OSBPL8: variants seen among roughly 807,000 people sequenced by gnomAD.
OSBPL8 encodes the protein oxysterol-binding protein-related protein 8.
Under a neutral mutation model 125.5 loss-of-function variants are expected in OSBPL8, and 59 were observed. The observed-to-expected ratio is 0.47, with a 90% CI of 0.38 to 0.58. The LOEUF (loss-of-function observed/expected upper bound fraction) is 0.58. Among genes scored for constraint, OSBPL8 ranks in the 20% least tolerant of loss-of-function variants. The pLI, the probability that OSBPL8 is intolerant of heterozygous loss-of-function variation, is 0.00. For synonymous variants in OSBPL8, 330 were observed against 338.9 expected, an observed-to-expected ratio of 0.97 and a Z score of 0.29; for missense variants, 758 against 1,047.8, an observed-to-expected ratio of 0.72 and a Z score of 3.82.
At chr12:76,406,266 T>C (rs7960738) in intron 5 of OSBPL8, among the ~76,000 whole-genome samples, 10,533 of 152,316 alleles carry the variant, frequency 0.069, 497 homozygotes, top group Middle Eastern at 0.15. Context: ...AGGATAATGA[T>C]AAGTTACTGT....
intron 10 of OSBPL8, among the ~76,000 whole-genome samples, chr12:76,392,230 T>C (rs1953592364): frequency 6.6e-6 from 1 of 152,194 alleles, no homozygotes; most frequent in African/African-American, 2.4e-5. Context: ...TCACACATGA[T>C]GTAATATTTG....
At chr12:76,384,193 A>C in intron 15 of OSBPL8, 61 bp downstream of exon 15, 1 of 994,732 alleles carries the variant, frequency 1.0e-6, no homozygotes, top group East Asian at 2.6e-5. Context: ...TGCCTAAATA[A>C]AAGCTCACCA....
intron 8 of OSBPL8, among the ~76,000 whole-genome samples, chr12:76,395,287 T>C (rs1953744280): frequency 6.6e-6 from 1 of 152,152 alleles, no homozygotes; most frequent in African/African-American, 2.4e-5. Context: ...GGGTTGTTTG[T>C]TTTAGAAGTA....
Position 76,402,752 on chromosome 12 carries a change from A to C in OSBPL8, c.303T>G (p.Leu101=), listed in dbSNP as rs750612243. 6.2e-7 allele frequency: 1 copy of C among 1,601,398 alleles called. No individual in the cohort carries two copies. The highest frequency in any genetic ancestry group is 8.6e-7 in the Non-Finnish European group (1 of 1,169,508). The change falls in exon 6 of 24, where the codon CTT becomes CTG. Residue 101 remains leucine, a synonymous_variant. Coordinates refer to ENST00000261183, the MANE Select transcript of OSBPL8 (RefSeq NM_020841.5). Reference sequence around the variant, plus strand: ...AACTGTCCTTCTCTGAGCCATTATAAAGTTTAGATTCAGACTGAAATCATA... The same window carrying C: ...AACTGTCCTTCTCTGAGCCATTATACAGTTTAGATTCAGACTGAAATCATA... ...SMSKSKSESK[L]YNGSEKDSST...
intron 8 of OSBPL8, among the ~76,000 whole-genome samples, chr12:76,396,947 T>C (rs1320190529): frequency 6.6e-6 from 1 of 151,828 alleles, no homozygotes; most frequent in Non-Finnish European, 1.5e-5. Flanking sequence ...CCTGAATAGC[T>C]GGGACTACAG....
chr12:76,403,067 T>C (rs1289586630), intron 5 of OSBPL8, among the ~76,000 whole-genome samples: 1 of 152,178 alleles, frequency 6.6e-6, no homozygotes, highest in Non-Finnish European at 1.5e-5. Context: ...ATTATTTAGT[T>C]ATTCTTAGCA....
chr12:76,400,815 G>C (rs534647594), intron 6 of OSBPL8, among the ~76,000 whole-genome samples: 1 of 140,296 alleles, frequency 7.1e-6, no homozygotes, highest in Admixed American at 7.5e-5. Flanking sequence ...TTTTGAGACA[G>C]TCTCATTCTG....
chr12:76,519,265 C>T (rs1367992239), intron 1 of OSBPL8, among the ~76,000 whole-genome samples: 1 of 152,194 alleles, frequency 6.6e-6, no homozygotes, highest in African/African-American at 2.4e-5. Context: ...GGACACAATG[C>T]AGCCAGGCTC....
At chr12:76,477,617 G>A (rs752034732) in intron 2 of OSBPL8, among the ~76,000 whole-genome samples, 2 of 152,064 alleles carry the variant, frequency 1.3e-5, no homozygotes, top group African/African-American at 2.4e-5. Context: ...TAAATGTAAC[G>A]TGACGTCCTG....
intron 15 of OSBPL8, 55 bp downstream of exon 15, chr12:76,384,199 C>T: frequency 9.5e-7 from 1 of 1,051,088 alleles, no homozygotes; most frequent in Non-Finnish European, 1.4e-6. Context: ...AATAAAAGCT[C>T]ACCAGAAAAT....
At chr12:76,356,914 A>T (rs1952008788) in intron 22 of OSBPL8, among the ~76,000 whole-genome samples, 186 bp from the exon 23 acceptor site, 1 of 152,240 alleles carries the variant, frequency 6.6e-6, no homozygotes, top group African/African-American at 2.4e-5. Context: ...CACTACAAAT[A>T]TATTTAAAGT....
chr12:76,390,358 T>C (rs1233924453), intron 11 of OSBPL8, 62 bp downstream of exon 11: 16 of 1,238,754 alleles, frequency 1.3e-5, no homozygotes, highest in South Asian at 1.2e-4. Flanking sequence ...ATATCTTCAA[T>C]TTCATTTAAG....
intron 4 of OSBPL8, among the ~76,000 whole-genome samples, chr12:76,420,151 A>G (rs1869281634): frequency 6.6e-6 from 1 of 152,182 alleles, no homozygotes; most frequent in Admixed American, 6.5e-5. Flanking sequence ...ATGAAATTAC[A>G]TAAACAAATC....
At chr12:76,358,433 C>T (rs374748508) in intron 22 of OSBPL8, among the ~76,000 whole-genome samples, 14 of 152,016 alleles carry the variant, frequency 9.2e-5, no homozygotes, top group East Asian at 5.8e-4. Context: ...CTGCCCACCT[C>T]GGCGTCCCAA....
rs4129804 is a variant in OSBPL8 at position 76,461,659 on chromosome 12, G to A, written c.43-1764C>T. Reference sequence around the variant, plus strand: ...TCACCATGTTAGCCAGGCCAGTCTCGAACTCCTGACCTTCTGATCCGTCCA... The same window carrying A: ...TCACCATGTTAGCCAGGCCAGTCTCAAACTCCTGACCTTCTGATCCGTCCA... On this transcript the variant is annotated intron_variant, in intron 2 of 23. Coordinates refer to ENST00000261183, the MANE Select transcript of OSBPL8 (RefSeq NM_020841.5). Among the ~76,000 whole-genome samples the A allele has an allele frequency of 5.3e-5, 8 of 152,002 alleles. No homozygotes were observed. In the South Asian group the frequency reaches 1.5e-3, roughly 28 times the overall value.
intron 3 of OSBPL8, among the ~76,000 whole-genome samples, chr12:76,454,860 A>C (rs775307332): frequency 2.0e-4 from 30 of 152,234 alleles, no homozygotes; most frequent in Admixed American, 5.2e-4. Context: ...CAATAAAAAA[A>C]AGACTTTTTA....
chr12:76,424,703 A>C (rs1243904376), intron 4 of OSBPL8, among the ~76,000 whole-genome samples: 1 of 152,188 alleles, frequency 6.6e-6, no homozygotes, highest in African/African-American at 2.4e-5. Context: ...CTGATATTAT[A>C]GGATTGTTAT....
chr12:76,410,665 C>A (rs1314942554), intron 4 of OSBPL8, 31 bp from the exon 5 acceptor site: 3 of 1,427,568 alleles, frequency 2.1e-6, no homozygotes, highest in Non-Finnish European at 3.0e-6. Context: ...ATCAGTATTA[C>A]TACTTTTGAA....
At chr12:76,556,486 A>G (rs969270576) in intron 1 of OSBPL8, among the ~76,000 whole-genome samples, 1 of 151,932 alleles carries the variant, frequency 6.6e-6, no homozygotes, top group African/African-American at 2.4e-5. Flanking sequence ...AAAATCTCTC[A>G]GGGGTTTCCC....
Sources: gnomAD v4.1 joint callset for allele counts (sites outside exome capture counted in the v4.1 genomes callset) on GRCh38, gnomAD v4.1.1 for gene constraint, MANE v1.5 for transcripts, NCBI Gene and HGNC (gene_info 2026-07-23, HGNC 2026-07-21) for gene names.